Variants in ADAMTS9 observed in about 807,000 individuals in gnomAD.
The protein encoded by ADAMTS9 is A disintegrin and metalloproteinase with thrombospondin motifs 9.
A neutral mutation model predicts 257.1 loss-of-function variants in ADAMTS9; 107 were observed. The ratio of observed to expected loss-of-function variants is 0.42; its 90% confidence interval spans 0.36 to 0.49. The LOEUF is 0.49. ADAMTS9 is among the 20% of genes least tolerant of loss of function. The pLI, the probability that ADAMTS9 is intolerant of heterozygous loss-of-function variation, is 0.03. For synonymous variants in ADAMTS9, 982 were observed against 880.9 expected, an observed-to-expected ratio of 1.11 and a Z score of -2.03; for missense variants, 2,353 against 2,469.1, an observed-to-expected ratio of 0.95 and a Z score of 1.00.
At chr3:64,586,617 G>C (rs1286881683) in intron 28 of ADAMTS9, 1 of 152,146 alleles carries the variant, frequency 6.6e-6, no homozygotes, top group Non-Finnish European at 1.5e-5. Flanking sequence ...GCAATTATCA[G>C]TCAATTTGCA....
At chr3:64,518,299 G>A (rs2082805592) in intron 39 of ADAMTS9, among the ~76,000 whole-genome samples, 1 of 152,170 alleles carries the variant, frequency 6.6e-6, no homozygotes, top group Non-Finnish European at 1.5e-5. Flanking sequence ...CCTTGTAACA[G>A]AAATAATCCT....
intron 28 of ADAMTS9, among the ~76,000 whole-genome samples, chr3:64,593,483 C>T (rs2084299030): frequency 6.6e-6 from 1 of 152,226 alleles, no homozygotes; most frequent in Non-Finnish European, 1.5e-5. Context: ...CTTATGGGCA[C>T]AACTCAGCCA....
Position 64,604,235 on chromosome 3 carries a change from A to G in ADAMTS9, c.3571T>C (p.Trp1191Arg), listed in dbSNP as rs2084518036. 2 of 1,612,898 alleles carry G rather than the reference A, an allele frequency of 1.2e-6. No individual in the cohort carries two copies. The highest frequency in any genetic ancestry group is 1.7e-5 in the Admixed American group (1 of 59,908). Reference protein sequence around the residue: ...APRTQWRFGSWTPCSATCGKG... With the variant: ...APRTQWRFGSRTPCSATCGKG... The stretch of plus-strand genomic sequence containing the variant: ...CCCAGTCTATTTCTTACTGGGGTCC[A>G]AGACCCAAATCGCCACTGGGTTCTT... The change falls in exon 24 of 40, where the codon TGG becomes CGG. Residue 1191 changes from tryptophan to arginine, a missense_variant. By Grantham distance (101) the Trp-to-Arg change is moderately radical. Around this residue, in one of 3 missense-constraint regions of ADAMTS9, gnomAD observed 1,402 missense variants for 1,441.4 expected, o/e 0.97. Transcript: ENST00000498707.
chr3:64,676,042 A>C (rs928360852), intron 3 of ADAMTS9, among the ~76,000 whole-genome samples: 1 of 152,200 alleles, frequency 6.6e-6, no homozygotes, highest in Non-Finnish European at 1.5e-5. Flanking sequence ...ATGGAGATTA[A>C]ATCTTAATAA....
At chr3:64,517,877 A>G (rs1230154560) in intron 39 of ADAMTS9, among the ~76,000 whole-genome samples, 1 of 152,152 alleles carries the variant, frequency 6.6e-6, no homozygotes, top group Non-Finnish European at 1.5e-5. Context: ...TTCTGATAAC[A>G]AAATGCCTTC....
At chr3:64,564,299 G>C (rs989724902) in intron 29 of ADAMTS9, among the ~76,000 whole-genome samples, 1 of 152,078 alleles carries the variant, frequency 6.6e-6, no homozygotes, top group South Asian at 2.1e-4. Context: ...ACTTAAAAGG[G>C]GAACTTGATG....
rs149101615 is a variant in ADAMTS9, at chr3:64,620,772, C to T, written c.2813+342G>A. 8.8e-3 allele frequency among the ~76,000 whole-genome samples: 1,341 copies of T among 152,234 alleles called. 14 individuals are homozygous for T. The highest frequency in any genetic ancestry group is 0.017 in the Middle Eastern group (5 of 294). ...TATGGGTACTTTGAGGGATGAGGTTCTCCCCCTTTTCTTTTGACTTTCAAA... is the reference window on the plus strand; with the variant it reads ...TATGGGTACTTTGAGGGATGAGGTTTTCCCCCTTTTCTTTTGACTTTCAAA... On this transcript the variant is annotated intron_variant, in intron 19 of 39. Coordinates refer to ENST00000498707, the MANE Select transcript of ADAMTS9 (RefSeq NM_182920.2).
chr3:64,576,641 C>T (rs1467510957), intron 28 of ADAMTS9, among the ~76,000 whole-genome samples: 3 of 152,166 alleles, frequency 2.0e-5, no homozygotes, highest in Non-Finnish European at 4.4e-5. Flanking sequence ...GAGCTGAGAG[C>T]GCCTGAGATT....
In ADAMTS9 at chr3:64,585,843, G is replaced by A. The variant is rs113872271; in HGVS notation, c.4356+8415C>T. On this transcript the variant is annotated intron_variant, in intron 28 of 39. Coordinates refer to ENST00000498707, the MANE Select transcript of ADAMTS9 (RefSeq NM_182920.2). The stretch of plus-strand genomic sequence containing the variant: ...CAAATCTTGCTCTTTTACTTGGTTT[G>A]AGACAATTTTCTTATATTCATTCCT... Among the ~76,000 whole-genome samples the A allele has an allele frequency of 1.6e-4, 24 of 152,164 alleles. 1 individual carries two copies. Among genetic ancestry groups the A allele is most frequent in the African/African-American group, 5.5e-4 (23 of 41,536 alleles).
intron 31 of ADAMTS9, among the ~76,000 whole-genome samples, chr3:64,548,040 A>G (rs558076833): frequency 1.3e-5 from 2 of 152,192 alleles, no homozygotes; most frequent in South Asian, 4.2e-4. Context: ...TGGGATAAAT[A>G]CCCCAAAACA....
chr3:64,646,679 C>T (rs778098847), intron 11 of ADAMTS9, among the ~76,000 whole-genome samples: 12 of 152,144 alleles, frequency 7.9e-5, no homozygotes, highest in Non-Finnish European at 1.2e-4. Flanking sequence ...TTTTTATTTT[C>T]GCATTGGACT....
In ADAMTS9 at chr3:64,659,983, C is replaced by T. The variant is rs535885716; in HGVS notation, c.680-1192G>A. On this transcript the variant is annotated intron_variant, in intron 3 of 39. Transcript: ENST00000498707. ...CTGAAATTTTGAGAATCACTAGTTT[C>T]CAACTTGGCTTGAAGTTTATATTAC... is the stretch of plus-strand genomic sequence containing the variant. Among the ~76,000 whole-genome samples, 20 of 152,302 alleles carry T rather than the reference C, an allele frequency of 1.3e-4. 1 individual carries two copies. Among genetic ancestry groups the T allele is most frequent in the African/African-American group, 3.1e-4 (13 of 41,574 alleles).
At position 64,639,715 on chromosome 3, in the gene ADAMTS9, T is replaced by C. The variant is rs76334161; in HGVS notation, c.1856+2133A>G. 7.4e-3 allele frequency among the ~76,000 whole-genome samples: 1,125 copies of C among 152,250 alleles called. 10 individuals are homozygous for C. Among genetic ancestry groups the C allele is most frequent in the Non-Finnish European group, 1.0e-2 (678 of 67,964 alleles). On this transcript the variant is annotated intron_variant, in intron 12 of 39. Transcript: ENST00000498707. ...AACTTTGCTCAATGTAGCCACCAAA[T>C]AGTTTTTAATATGTAAAAAATTCAT... is the stretch of plus-strand genomic sequence containing the variant.
In ADAMTS9 at chr3:64,686,900, G is replaced by T. The variant is rs1701927539; in HGVS notation, c.184C>A (p.Pro62Thr). ...SPIRVNALGE[P>T]FPTNVHFKRT... Reference sequence around the variant, plus strand: ...TTGAAGTGGACGTTCGTGGGAAAGGGTTCTCCGAGAGCGTTCACTCGGATG... The same window carrying T: ...TTGAAGTGGACGTTCGTGGGAAAGGTTTCTCCGAGAGCGTTCACTCGGATG... Residue 62 changes from proline to threonine, a missense_variant, in exon 2 of 40, where the codon CCC (proline) becomes ACC (threonine). By Grantham distance (38) the Pro-to-Thr change is conservative (BLOSUM62 -1). This residue lies in a region of ADAMTS9 where 591 missense variants were observed against 569.6 expected (regional missense o/e 1.04). Coordinates refer to ENST00000498707, the MANE Select transcript of ADAMTS9 (RefSeq NM_182920.2). The surrounding 1 kb of genome is among the most constrained non-coding windows in gnomAD (Gnocchi z 4.6). The T allele has an allele frequency of 6.2e-7, 1 of 1,614,204 alleles. No homozygotes were observed. Among genetic ancestry groups the T allele is most frequent in the Admixed American group, 1.7e-5 (1 of 60,032 alleles).
chr3:64,557,152 A>G (rs918124374), intron 30 of ADAMTS9, among the ~76,000 whole-genome samples: 2 of 152,124 alleles, frequency 1.3e-5, no homozygotes, highest in Admixed American at 6.6e-5. Context: ...GGCCTGAAGG[A>G]TAAGAAAGGG....
intron 26 of ADAMTS9, among the ~76,000 whole-genome samples, chr3:64,601,639 C>T (rs2084463573): frequency 6.6e-6 from 1 of 152,090 alleles, no homozygotes; most frequent in South Asian, 2.1e-4. Flanking sequence ...GTATGAGCTG[C>T]CTGTGGCCTC....
intron 23 of ADAMTS9, among the ~76,000 whole-genome samples, chr3:64,605,796 C>T (rs2084547006): frequency 6.6e-6 from 1 of 152,116 alleles, no homozygotes. Context: ...ATATTACATG[C>T]ATGTACATAC....
intron 3 of ADAMTS9, among the ~76,000 whole-genome samples, chr3:64,673,872 T>C (rs955666665): frequency 5.9e-5 from 9 of 152,096 alleles, no homozygotes; most frequent in African/African-American, 1.9e-4. Context: ...ATTATTAAGA[T>C]TCATGGTGTT....
At chr3:64,565,757 C>T (rs895143318) in intron 29 of ADAMTS9, 2 of 152,196 alleles carry the variant, frequency 1.3e-5, no homozygotes, top group Admixed American at 6.5e-5. Flanking sequence ...AGTTCATAGG[C>T]ATTCCTTAGC....
Sources: allele counts gnomAD v4.1 joint callset (sites outside exome capture counted in the v4.1 genomes callset), GRCh38; gene constraint gnomAD v4.1.1; regional missense constraint gnomAD v4.1.1; non-coding constraint Gnocchi (gnomAD v3.1); transcripts MANE v1.5; gene names NCBI Gene and HGNC (gene_info 2026-07-23, HGNC 2026-07-21).